The following DNAH9 variants were observed in gnomAD, a reference collection of about 807,000 sequenced individuals.
The protein encoded by DNAH9 is DNAH9 variant protein.
DNAH9 carries 345 observed loss-of-function variants against 471.6 expected under a neutral mutation model. That is an observed-to-expected ratio of 0.73 (90% CI 0.67 to 0.80). The LOEUF (loss-of-function observed/expected upper bound fraction) is 0.80, where lower values mean the gene tolerates loss of function less well. DNAH9 is among the 30% of genes least tolerant of loss of function. The probability of loss-of-function intolerance (pLI) is 0.00; values close to 1 mark genes in which losing one functional copy is unlikely to be tolerated. For missense variants in DNAH9, 5,407 were observed against 5,609.2 expected (o/e 0.96, Z 1.15); for synonymous variants, 2,093 against 2,123.6 (o/e 0.99, Z 0.40).
intron 35 of DNAH9, 60 bp from the exon 36 acceptor site, chr17:11,763,380 C>T: frequency 1.3e-6 from 2 of 1,489,756 alleles, no homozygotes; most frequent in Non-Finnish European, 1.8e-6. Flanking sequence ...AGCTGTCCAA[C>T]AGCACCACCA....
In DNAH9 at chr17:11,822,606, G is replaced by C; in HGVS notation, c.9012+7G>C. The stretch of plus-strand genomic sequence containing the variant: ...GAACACAGAGGGCATTGAGGTGAGA[G>C]AGAAAAGGAGACACTCCTAAAAGTC... On this transcript the variant is annotated splice_region_variant and intron_variant, in intron 47 of 68. Coordinates refer to ENST00000262442, the MANE Select transcript of DNAH9 (RefSeq NM_001372.4). 2 of 1,613,892 alleles carry C rather than the reference G, an allele frequency of 1.2e-6. No homozygotes were observed. Among genetic ancestry groups the C allele is most frequent in the Non-Finnish European group, 1.7e-6 (2 of 1,179,880 alleles).
chr17:11,719,308 G>A (rs767095082), intron 26 of DNAH9, 26 bp from the exon 27 acceptor site: 2 of 1,609,912 alleles, frequency 1.2e-6, no homozygotes, highest in Non-Finnish European at 1.7e-6. Flanking sequence ...CAAGAATGAT[G>A]ACCTATGCCC....
chr17:11,743,770 A>G (rs1176466860), intron 30 of DNAH9, among the ~76,000 whole-genome samples: 2 of 151,364 alleles, frequency 1.3e-5, no homozygotes. Flanking sequence ...AGTCTGATCC[A>G]TATCCTGGGT....
rs1018844492 is a variant in DNAH9, at chr17:11,694,101, T to C, written c.4745+103T>C. 1.5e-5 allele frequency: 22 copies of C among 1,440,240 alleles called. No homozygotes were observed. In the East Asian group the frequency reaches 4.8e-4, roughly 31 times the overall value. 89.2% of individuals were successfully genotyped at this position (1,440,240 alleles called of 1,614,324 possible). A position where few individuals can be genotyped will look rare whatever the true frequency, so the allele number is the denominator to read the frequency against. On this transcript the variant is annotated intron_variant, in intron 21 of 68. Transcript: ENST00000262442. ...CAGAAGTGAGTATGGGTGCCTTGCA[T>C]GTCCCTTTCTTTGCCTGTGTGTTTG...
intron 41 of DNAH9, among the ~76,000 whole-genome samples, chr17:11,791,434 G>A (rs1263560705): frequency 1.3e-5 from 2 of 152,194 alleles, no homozygotes; most frequent in Admixed American, 1.3e-4. Context: ...ATTTGACAAC[G>A]GGTGAGGTGG....
At chr17:11,735,984 A>T (rs2075340884) in intron 28 of DNAH9, among the ~76,000 whole-genome samples, 1 of 152,152 alleles carries the variant, frequency 6.6e-6, no homozygotes, top group South Asian at 2.1e-4. Context: ...GTGGGGTTTC[A>T]GGCAAGTTTC....
Position 11,781,093 on chromosome 17 carries a change from A to T in DNAH9, c.7637A>T (p.Asp2546Val). The T allele has an allele frequency of 6.2e-7, 1 of 1,614,202 alleles. No individual in the cohort carries two copies. The highest frequency in any genetic ancestry group is 1.1e-5 in the South Asian group (1 of 91,080). Residue 2546 changes from aspartate to valine, a missense_variant, in exon 39 of 69, where the codon GAC becomes GTC. Asp to Val is a radical substitution (Grantham distance 152). Coordinates refer to ENST00000262442, the MANE Select transcript of DNAH9 (RefSeq NM_001372.4). ...GNKKLIYFID[D>V]MNMPEVDAYG... ...AAGAAACTCATCTATTTCATTGATGACATGAACATGCCTGAGGTGGATGCC... is the reference window on the plus strand; with the variant it reads ...AAGAAACTCATCTATTTCATTGATGTCATGAACATGCCTGAGGTGGATGCC...
At chr17:11,644,870 G>A (rs548959511) in intron 11 of DNAH9, among the ~76,000 whole-genome samples, 171 bp downstream of exon 11, 1 of 152,152 alleles carries the variant, frequency 6.6e-6, no homozygotes, top group South Asian at 2.1e-4. Flanking sequence ...CACACACAGG[G>A]TATCTGGGGA....
At chr17:11,824,981 CT>C (rs144973506) in intron 48 of DNAH9, among the ~76,000 whole-genome samples, 3 of 149,808 alleles carry the variant, frequency 2.0e-5, no homozygotes, top group Non-Finnish European at 3.0e-5. Flanking sequence ...TTATATAGAC[CT>C]TTTTTTTTCT....
Position 11,623,346 on chromosome 17 carries a change from C to T in DNAH9, c.1350+3565C>T, listed in dbSNP as rs1360622860. Among the ~76,000 whole-genome samples, 1 of 152,008 alleles carries T rather than the reference C, an allele frequency of 6.6e-6. No homozygotes were observed. The highest frequency in any genetic ancestry group is 1.5e-5 in the Non-Finnish European group (1 of 67,996). On this transcript the variant is annotated intron_variant, in intron 6 of 68. Coordinates refer to ENST00000262442, the MANE Select transcript of DNAH9 (RefSeq NM_001372.4). The surrounding 1 kb of genome is among the most constrained non-coding windows in gnomAD (Gnocchi z 4.1). ...TTCTTCCTCCCTTTTCACTTGGTCC[C>T]CCTTTCACTTTGTTCTCCTTCTCTA...
intron 67 of DNAH9, among the ~76,000 whole-genome samples, chr17:11,951,789 G>A (rs1426070568): frequency 6.6e-6 from 1 of 151,880 alleles, no homozygotes; most frequent in African/African-American, 2.4e-5. Context: ...CGGGCTTGGT[G>A]GCAGCTGCCT....
At chr17:11,895,304 C>T (rs559038912) in intron 59 of DNAH9, among the ~76,000 whole-genome samples, 5 of 152,308 alleles carry the variant, frequency 3.3e-5, no homozygotes, top group Admixed American at 6.5e-5. Flanking sequence ...GCACTCCATG[C>T]AGGCAGTTGA....
intron 28 of DNAH9, among the ~76,000 whole-genome samples, chr17:11,731,210 T>C (rs1387752469): frequency 6.6e-6 from 1 of 151,904 alleles, no homozygotes; most frequent in Non-Finnish European, 1.5e-5. Context: ...ATGGTGAGAA[T>C]GATGGGGATG....
rs200659813 is a variant in DNAH9 at position 11,693,994 on chromosome 17, G to C, written c.4741G>C (p.Gly1581Arg). Residue 1581 changes from glycine (G) to arginine (R), a missense_variant, in exon 21 of 69, where the codon GGC becomes CGC. Physicochemically the swap from Gly to Arg is moderately radical, Grantham distance 125. This residue lies in a region of DNAH9 where 4,636 missense variants were observed against 4,900.3 expected (regional missense o/e 0.95). Transcript: ENST00000262442. Reference protein sequence around the residue: ...GLYEKLEDIQGRLCLCEKALA... With the variant: ...GLYEKLEDIQRRLCLCEKALA... ...GTATGAAAAGCTGGAGGATATTCAG[G>C]GCAGGTGAGGGTCCGCCCATTACCC... The C allele has an allele frequency of 6.2e-7, 1 of 1,613,752 alleles. No individual in the cohort carries two copies. Among genetic ancestry groups the C allele is most frequent in the African/African-American group, 1.3e-5 (1 of 74,872 alleles).
intron 35 of DNAH9, among the ~76,000 whole-genome samples, chr17:11,762,761 T>TTTTTTTGTTG (rs1967739575): frequency 5.9e-5 from 6 of 102,436 alleles, no homozygotes; most frequent in Non-Finnish European, 8.1e-5. Flanking sequence ...TAGGTGCGTT[T>TTTTTTTGTTG]TTTTTTTTGT....
intron 33 of DNAH9, among the ~76,000 whole-genome samples, chr17:11,755,305 G>T (rs531989916): frequency 6.6e-6 from 1 of 152,162 alleles, no homozygotes; most frequent in East Asian, 1.9e-4. Flanking sequence ...AGCTATTCTG[G>T]CTCTTTTTTG....
intron 52 of DNAH9, among the ~76,000 whole-genome samples, chr17:11,874,683 CTT>C (rs772715870): frequency 3.3e-4 from 50 of 152,044 alleles, no homozygotes; most frequent in Non-Finnish European, 6.5e-4. Flanking sequence ...AGAAACTTGA[CTT>C]AGGTAAAGAT....
At chr17:11,607,371 A>G (rs1009225598) in intron 1 of DNAH9, among the ~76,000 whole-genome samples, 1 of 152,124 alleles carries the variant, frequency 6.6e-6, no homozygotes, top group Admixed American at 6.5e-5. Context: ...GCTCTTGGGA[A>G]CAGACTAAAT....
chr17:11,891,184 G>C (rs1597794787), intron 57 of DNAH9, among the ~76,000 whole-genome samples: 1 of 152,180 alleles, frequency 6.6e-6, no homozygotes, highest in South Asian at 2.1e-4. Flanking sequence ...TCCCTGCATT[G>C]CAGGAAGGGT....
Sources: allele counts gnomAD v4.1 joint callset (sites outside exome capture counted in the v4.1 genomes callset), GRCh38; gene constraint gnomAD v4.1.1; regional missense constraint gnomAD v4.1.1; non-coding constraint Gnocchi (gnomAD v3.1); transcripts MANE v1.5; gene names NCBI Gene and HGNC (gene_info 2026-07-23, HGNC 2026-07-21).